Variants in SMG6 observed in about 807,000 individuals in gnomAD.
The protein encoded by SMG6 is SMG6 nonsense mediated mRNA decay factor.
A neutral mutation model predicts 142.2 loss-of-function variants in SMG6; 66 were observed. The observed-to-expected ratio is 0.46, with a 90% confidence interval of 0.38 to 0.57. The LOEUF is 0.57. Ranked by LOEUF, SMG6 falls within the 20% of genes least tolerant of loss-of-function variation. SMG6 has a pLI of 0.00. For missense variants in SMG6, 1,793 were observed against 1,832.0 expected (o/e 0.98, Z 0.39); for synonymous variants, 779 against 702.4 (o/e 1.11, Z -1.72).
chr17:2,244,556 A>G (rs1430531465), intron 9 of SMG6, 102 bp downstream of exon 9: 2 of 851,116 alleles, frequency 2.3e-6, no homozygotes, highest in East Asian at 5.1e-5. Context: ...AAGAATTCAC[A>G]CCCTGTGCCC....
intron 10 of SMG6, among the ~76,000 whole-genome samples, chr17:2,194,720 A>AG (rs201654352): frequency 0.017 from 2,584 of 151,688 alleles, 90 homozygotes; most frequent in African/African-American, 0.06. Flanking sequence ...AACAAAAAAA[A>AG]AAAGAAAGAA....
At chr17:2,131,045 G>C (rs1300932661) in intron 13 of SMG6, among the ~76,000 whole-genome samples, 1 of 152,058 alleles carries the variant, frequency 6.6e-6, no homozygotes, top group Non-Finnish European at 1.5e-5. Context: ...AGAGATAAAA[G>C]TAACCCTTTT....
chr17:2,071,338 C>G lies in SMG6; in HGVS notation c.3682-2407G>C, dbSNP rs549154779. On this transcript the variant is annotated intron_variant, in intron 15 of 18. Coordinates refer to ENST00000263073, the MANE Select transcript of SMG6 (RefSeq NM_017575.5). This position sits in a 1 kb window ranked among gnomAD's most constrained non-coding sequence, Gnocchi z 5.6. Reference sequence around the variant, plus strand: ...CCTACCTCTATTGCTGGCAATTAGGCAGGAGAGCCTTGAAGCCAGGTGGCT... The same window carrying G: ...CCTACCTCTATTGCTGGCAATTAGGGAGGAGAGCCTTGAAGCCAGGTGGCT... Among the ~76,000 whole-genome samples, 1 of 152,284 alleles carries G rather than the reference C, an allele frequency of 6.6e-6. No individual in the cohort carries two copies. Among genetic ancestry groups the G allele is most frequent in the East Asian group, 1.9e-4 (1 of 5,188 alleles).
chr17:2,244,628 G>A lies in SMG6; in HGVS notation c.2723+30C>T, dbSNP rs749470347. On this transcript the variant is annotated intron_variant, in intron 9 of 18. Transcript: ENST00000263073. Reference sequence around the variant, plus strand: ...AATTCCAAAATGACTTGTAATGTAGGAAAATAAAATAAACATCCTGCACAC... The same window carrying A: ...AATTCCAAAATGACTTGTAATGTAGAAAAATAAAATAAACATCCTGCACAC... 8.9e-6 allele frequency: 14 copies of A among 1,572,934 alleles called. No homozygotes were observed. In the African/African-American group the frequency reaches 1.8e-4, roughly 20 times the overall value.
chr17:2,258,101 T>C (rs931213860), intron 8 of SMG6, among the ~76,000 whole-genome samples: 6 of 150,138 alleles, frequency 4.0e-5, no homozygotes, highest in Non-Finnish European at 8.9e-5. Context: ...AAAACTTCTA[T>C]AGCATCTTCT....
At chr17:2,170,158 T>A (rs549471867) in intron 13 of SMG6, among the ~76,000 whole-genome samples, 1 of 152,134 alleles carries the variant, frequency 6.6e-6, no homozygotes, top group Non-Finnish European at 1.5e-5. Context: ...AGGTTTGACA[T>A]ACCTATTTCA....
At chr17:2,266,538 T>G (rs2074426025) in intron 8 of SMG6, among the ~76,000 whole-genome samples, 1 of 152,210 alleles carries the variant, frequency 6.6e-6, no homozygotes, top group Non-Finnish European at 1.5e-5. Flanking sequence ...AAGCTGGCGT[T>G]TGCAGCATGG....
intron 13 of SMG6, among the ~76,000 whole-genome samples, chr17:2,160,419 A>G (rs181290987): frequency 6.6e-6 from 1 of 152,112 alleles, no homozygotes; most frequent in Non-Finnish European, 1.5e-5. Flanking sequence ...GGGTTTCACC[A>G]TACTGCCCAG....
At chr17:2,127,377 G>T (rs1451422119) in intron 13 of SMG6, 5 of 618,918 alleles carry the variant, frequency 8.1e-6, no homozygotes, top group South Asian at 1.5e-5. Flanking sequence ...CTTAAGAAAT[G>T]GTTGAAATGG....
At chr17:2,094,158 G>A (rs1022105691) in intron 13 of SMG6, among the ~76,000 whole-genome samples, 1 of 152,186 alleles carries the variant, frequency 6.6e-6, no homozygotes, top group African/African-American at 2.4e-5. Flanking sequence ...TTGTCCATGA[G>A]GTCCCTTCAC....
Position 2,103,157 on chromosome 17 carries a change from T to C in SMG6, c.3358-17256A>G, listed in dbSNP as rs150335141. Among the ~76,000 whole-genome samples the C allele has an allele frequency of 3.9e-3, 595 of 152,310 alleles. 4 individuals are homozygous for C. The highest frequency in any genetic ancestry group is 7.9e-3 in the South Asian group (38 of 4,818). On this transcript the variant is annotated intron_variant, in intron 13 of 18. Coordinates refer to ENST00000263073, the MANE Select transcript of SMG6 (RefSeq NM_017575.5). ...AAATCTTTTGGGTGAATGCCCAGAA[T>C]TGGGATTACTCTCTTTCCATTCTTA...
At chr17:2,282,594 C>T in intron 8 of SMG6, 53 bp downstream of exon 8, 1 of 1,571,520 alleles carries the variant, frequency 6.4e-7, no homozygotes, top group Non-Finnish European at 8.7e-7. Flanking sequence ...TGAACCAGGG[C>T]ACCCAGGCTT....
At chr17:2,269,204 A>T (rs2074492508) in intron 8 of SMG6, among the ~76,000 whole-genome samples, 1 of 133,060 alleles carries the variant, frequency 7.5e-6, no homozygotes, top group South Asian at 2.5e-4. Flanking sequence ...TGGGCGACAG[A>T]GCCAGACTCC....
intron 12 of SMG6, among the ~76,000 whole-genome samples, chr17:2,179,606 C>T (rs1276394601): frequency 2.0e-5 from 3 of 151,826 alleles, no homozygotes; most frequent in Non-Finnish European, 4.4e-5. Flanking sequence ...AAACAGTACT[C>T]CAATCCAACA....
chr17:2,227,142 C>T (rs2073342661), intron 10 of SMG6, among the ~76,000 whole-genome samples: 1 of 152,124 alleles, frequency 6.6e-6, no homozygotes, highest in African/African-American at 2.4e-5. Context: ...TAAAATGGTC[C>T]AACCACCACA....
At chr17:2,202,433 T>C (rs1031495439) in intron 10 of SMG6, among the ~76,000 whole-genome samples, 1 of 152,080 alleles carries the variant, frequency 6.6e-6, no homozygotes, top group African/African-American at 2.4e-5. Flanking sequence ...GTGCCTATAG[T>C]CTCAGCTATT....
chr17:2,297,346 T>C lies in SMG6; in HGVS notation c.2048A>G (p.Asp683Gly). Residue 683 changes from aspartate to glycine, a missense_variant, in exon 4 of 19, where the codon GAC becomes GGC. Coordinates refer to ENST00000263073, the MANE Select transcript of SMG6 (RefSeq NM_017575.5). ...CTTCTGAAGCAAACTATCAAAGAAG[T>C]CACTACCCTATAAAAAGAAAAAAAG... ...RLLELLDEGS[D>G]FFDSLLQKLQ... 1 of 1,604,326 alleles carries C rather than the reference T, an allele frequency of 6.2e-7. No individual in the cohort carries two copies. Among genetic ancestry groups the C allele is most frequent in the South Asian group, 1.1e-5 (1 of 89,238 alleles).
chr17:2,267,520 C>A (rs1311214896), intron 8 of SMG6, among the ~76,000 whole-genome samples: 1 of 151,934 alleles, frequency 6.6e-6, no homozygotes, highest in African/African-American at 2.4e-5. Flanking sequence ...GTCTTTATAT[C>A]CATGAGGCCA....
chr17:2,069,468 C>T (rs991670629), intron 15 of SMG6, among the ~76,000 whole-genome samples: 4 of 151,676 alleles, frequency 2.6e-5, no homozygotes, highest in African/African-American at 7.3e-5. Context: ...TGGTGGCACA[C>T]GCCTGTGGTC....
Sources: allele counts gnomAD v4.1 joint callset (sites outside exome capture counted in the v4.1 genomes callset), GRCh38; gene constraint gnomAD v4.1.1; non-coding constraint Gnocchi (gnomAD v3.1); transcripts MANE v1.5; gene names NCBI Gene and HGNC (gene_info 2026-07-23, HGNC 2026-07-21).